Variants in RGS6 observed in about 807,000 individuals in gnomAD.
RGS6 encodes the protein regulator of G-protein signaling 6.
A neutral mutation model predicts 78.5 loss-of-function variants in RGS6; 30 were observed. The ratio of observed to expected loss-of-function variants is 0.38; its 90% confidence interval spans 0.29 to 0.52. RGS6 has a LOEUF of 0.52. Ranked by LOEUF, RGS6 falls within the 20% of genes least tolerant of loss-of-function variation. The pLI, the probability that RGS6 is intolerant of heterozygous loss-of-function variation, is 0.85. For synonymous variants in RGS6, 206 were observed against 206.0 expected, an observed-to-expected ratio of 1.00 and a Z score of 0.00; for missense variants, 495 against 609.7, an observed-to-expected ratio of 0.81 and a Z score of 1.98.
chr14:72,288,964 C>G (rs1325806601), intron 2 of RGS6, among the ~76,000 whole-genome samples: 1 of 152,078 alleles, frequency 6.6e-6, no homozygotes, highest in Non-Finnish European at 1.5e-5. Flanking sequence ...CAAGGGGAGT[C>G]CTTGAAATGG....
Position 72,495,241 on chromosome 14 carries a change from C to T in RGS6, c.944C>T (p.Ala315Val). The change falls in exon 13 of 18, where the codon GCT (alanine) becomes GTT (valine). Residue 315 changes from alanine to valine, a missense_variant. By Grantham distance (64) the Ala-to-Val change is moderately conservative. Coordinates refer to ENST00000553525, the MANE Select transcript of RGS6 (RefSeq NM_001204424.2). ...PSNPWISDDV[A>V]LWDIEMSKEP... ...AACCCTTGGATCAGCGATGACGTTGCTTTGTGGGACATAGAGATGAGGTAA... is the reference window on the plus strand; with the variant it reads ...AACCCTTGGATCAGCGATGACGTTGTTTTGTGGGACATAGAGATGAGGTAA... 6.2e-7 allele frequency: 1 copy of T among 1,612,188 alleles called. No individual in the cohort carries two copies. Among genetic ancestry groups the T allele is most frequent in the South Asian group, 1.1e-5 (1 of 91,034 alleles).
intron 2 of RGS6, among the ~76,000 whole-genome samples, chr14:72,006,406 C>A (rs2084565343): frequency 6.6e-6 from 1 of 152,180 alleles, no homozygotes; most frequent in Non-Finnish European, 1.5e-5. Flanking sequence ...ATGTCACTTC[C>A]AAGATTAGGT....
At chr14:72,246,969 A>G (rs554700206) in intron 2 of RGS6, among the ~76,000 whole-genome samples, 1 of 151,308 alleles carries the variant, frequency 6.6e-6, no homozygotes, top group South Asian at 2.1e-4. Flanking sequence ...GTCTTAAATG[A>G]TCCTCTCTGG....
chr14:72,024,460 C>G (rs750141395), intron 2 of RGS6, among the ~76,000 whole-genome samples: 1 of 152,178 alleles, frequency 6.6e-6, no homozygotes, highest in Non-Finnish European at 1.5e-5. Flanking sequence ...TCCTGCTTAT[C>G]CCCTGTCCTC....
intron 12 of RGS6, among the ~76,000 whole-genome samples, chr14:72,481,962 C>T (rs1283391171): frequency 1.3e-5 from 2 of 152,056 alleles, no homozygotes; most frequent in Non-Finnish European, 2.9e-5. Flanking sequence ...GCACCTGCCA[C>T]CAAGCCTGGC....
chr14:72,097,194 A>C (rs1474431981), intron 2 of RGS6, among the ~76,000 whole-genome samples: 1 of 152,244 alleles, frequency 6.6e-6, no homozygotes, highest in Admixed American at 6.5e-5. Flanking sequence ...TACAAACAAA[A>C]AACAAAACAT....
chr14:72,369,664 C>G (rs566706908), intron 3 of RGS6, among the ~76,000 whole-genome samples: 17 of 152,122 alleles, frequency 1.1e-4, no homozygotes, highest in African/African-American at 3.9e-4. Context: ...ATTTTGAAAG[C>G]AAATTATACT....
chr14:72,247,533 T>A (rs762642911), intron 2 of RGS6, among the ~76,000 whole-genome samples: 1 of 152,220 alleles, frequency 6.6e-6, no homozygotes, highest in Non-Finnish European at 1.5e-5. Context: ...CAAGGAGAGA[T>A]AGGTGAAATC....
chr14:72,064,777 T>A (rs2094058795), intron 2 of RGS6, among the ~76,000 whole-genome samples: 1 of 152,220 alleles, frequency 6.6e-6, no homozygotes, highest in African/African-American at 2.4e-5. Context: ...ATTTGGTTGC[T>A]AAATAATAAC....
At position 72,115,187 on chromosome 14, in the gene RGS6, C is replaced by G. The variant is rs117948882; in HGVS notation, c.84+150312C>G. Among the ~76,000 whole-genome samples, 1,132 of 152,266 alleles carry G rather than the reference C, an allele frequency of 7.4e-3. 38 individuals are homozygous for G. Among genetic ancestry groups the G allele is most frequent in the Admixed American group, 0.063 (968 of 15,298 alleles). On this transcript the variant is annotated intron_variant, in intron 2 of 17. Coordinates refer to ENST00000553525, the MANE Select transcript of RGS6 (RefSeq NM_001204424.2). Reference sequence around the variant, plus strand: ...CAAATCTTCAACCCTAGCGCTCGCTCAGGGTTTGATTAGAGAAGCAGAATC... The same window carrying G: ...CAAATCTTCAACCCTAGCGCTCGCTGAGGGTTTGATTAGAGAAGCAGAATC...
At chr14:72,358,523 G>T (rs1226639184) in intron 3 of RGS6, among the ~76,000 whole-genome samples, 1 of 152,258 alleles carries the variant, frequency 6.6e-6, no homozygotes, top group East Asian at 1.9e-4. Context: ...GAAGTAAAAG[G>T]AGATTATTTC....
At chr14:72,494,358 A>G (rs889233374) in intron 12 of RGS6, among the ~76,000 whole-genome samples, 1 of 152,182 alleles carries the variant, frequency 6.6e-6, no homozygotes, top group Non-Finnish European at 1.5e-5. Context: ...AGAAAGATAA[A>G]TTCTTGTCTA....
chr14:72,096,553 G>T (rs1032846961), intron 2 of RGS6, among the ~76,000 whole-genome samples: 27 of 152,038 alleles, frequency 1.8e-4, no homozygotes, highest in African/African-American at 5.6e-4. Flanking sequence ...GTTATGTCTT[G>T]CTGTGTACTC....
chr14:72,286,295 G>C (rs1099969), intron 2 of RGS6, among the ~76,000 whole-genome samples: 146,951 of 152,338 alleles, frequency 0.96, 70,902 homozygotes, highest in East Asian at 1. Context: ...TTCTTGGCAC[G>C]CTTGTTGAAG....
At chr14:72,510,395 C>T in intron 14 of RGS6, 116 bp downstream of exon 14, 1 of 1,334,468 alleles carries the variant, frequency 7.5e-7, no homozygotes, top group Non-Finnish European at 1.1e-6. Flanking sequence ...ATTCAAATGC[C>T]AGCTAATCTG....
intron 2 of RGS6, among the ~76,000 whole-genome samples, chr14:71,981,365 A>G (rs6078590): frequency 0.44 from 67,566 of 151,998 alleles, 15,468 homozygotes; most frequent in East Asian, 0.55. Context: ...CCGTTTTTCT[A>G]TTCTGTTTTT....
At chr14:72,545,057 A>G (rs1005482085) in intron 17 of RGS6, among the ~76,000 whole-genome samples, 1 of 152,234 alleles carries the variant, frequency 6.6e-6, no homozygotes, top group Admixed American at 6.5e-5. Context: ...GAGTTCCCAA[A>G]TACCTAGACT....
intron 3 of RGS6, among the ~76,000 whole-genome samples, chr14:72,448,185 C>G (rs1376104915): frequency 6.6e-6 from 1 of 152,190 alleles, no homozygotes; most frequent in Non-Finnish European, 1.5e-5. Context: ...CAGGTTCCCA[C>G]CGTTTGTAAG....
upstream of RGS6, among the ~76,000 whole-genome samples, chr14:71,930,563 AT>A (rs565798493): frequency 5.2e-3 from 785 of 151,368 alleles, 11 homozygotes; most frequent in African/African-American, 0.017. Flanking sequence ...GATTTCACAT[AT>A]TTTTTTTTAA....
Sources: allele counts gnomAD v4.1 joint callset (sites outside exome capture counted in the v4.1 genomes callset), GRCh38; gene constraint gnomAD v4.1.1; transcripts MANE v1.5; gene names NCBI Gene and HGNC (gene_info 2026-07-23, HGNC 2026-07-21).